The following CLCN6 variants were observed in gnomAD, a reference collection of about 807,000 sequenced individuals.
CLCN6 encodes H(+)/Cl(-) exchange transporter 6.
CLCN6 carries 70 observed loss-of-function variants against 109.8 expected under a neutral mutation model. The observed-to-expected ratio is 0.64, with a 90% CI of 0.53 to 0.78. The LOEUF (loss-of-function observed/expected upper bound fraction) is 0.78. Ranked by LOEUF, CLCN6 falls within the 30% of genes least tolerant of loss-of-function variation. CLCN6 has a pLI of 0.00. For missense variants in CLCN6, 984 were observed against 1,142.3 expected, an observed-to-expected ratio of 0.86 and a Z score of 2.00; for synonymous variants, 444 against 447.8, an observed-to-expected ratio of 0.99 and a Z score of 0.11.
intron 13 of CLCN6, among the ~76,000 whole-genome samples, chr1:11,833,020 C>CTTTT (rs34913289): frequency 6.9e-6 from 1 of 145,040 alleles, no homozygotes; most frequent in African/African-American, 2.5e-5. Flanking sequence ...AATTCAGGTG[C>CTTTT]TTTTTTTTTT....
rs1284513239 is a variant in CLCN6 at position 11,842,258 on chromosome 1, A to T, written c.*2035A>T. On this transcript the variant is annotated 3_prime_UTR_variant, in exon 23 of 23. Coordinates refer to ENST00000346436, the MANE Select transcript of CLCN6 (RefSeq NM_001286.5). Reference sequence around the variant, plus strand: ...TGTTATTGGAATTCATCCCTCGTGCACATCCTGTTGTGTTTAAGTCACCAG... The same window carrying T: ...TGTTATTGGAATTCATCCCTCGTGCTCATCCTGTTGTGTTTAAGTCACCAG... The T allele has an allele frequency of 6.6e-6, 1 of 152,544 alleles. No individual in the cohort carries two copies. Among genetic ancestry groups the T allele is most frequent in the African/African-American group, 2.4e-5 (1 of 41,456 alleles). 9.4% of individuals were successfully genotyped at this position (152,544 alleles called of 1,614,324 possible).
intron 5 of CLCN6, chr1:11,820,419 G>A (rs1303735328): frequency 1.4e-6 from 1 of 714,436 alleles, no homozygotes; most frequent in East Asian, 2.7e-5. Flanking sequence ...ACTATATGTT[G>A]TCAAGAGTGG....
At chr1:11,816,832 T>C in intron 4 of CLCN6, 152 bp downstream of exon 4, 1 of 506,686 alleles carries the variant, frequency 2.0e-6, no homozygotes, top group Non-Finnish European at 3.4e-6. Context: ...CAAGAGTGCC[T>C]TTTCTTTTTT....
Position 11,837,438 on chromosome 1 carries a change from T to C in CLCN6, c.2234T>C (p.Ile745Thr). The C allele has an allele frequency of 1.2e-6, 2 of 1,614,136 alleles. No homozygotes were observed. Among genetic ancestry groups the C allele is most frequent in the Middle Eastern group, 1.6e-4 (1 of 6,062 alleles). ...RFRPLTFHGL[I>T]LRSQLVTLLV... ...CGCCCTCTGACCTTCCACGGCCTGATCCTTCGGTCGCAGCTTGTCACCCTG... is the reference window on the plus strand; with the variant it reads ...CGCCCTCTGACCTTCCACGGCCTGACCCTTCGGTCGCAGCTTGTCACCCTG... Residue 745 changes from isoleucine (I) to threonine (T), a missense_variant, in exon 20 of 23, where the codon ATC (isoleucine) becomes ACC (threonine). Physicochemically the swap from Ile to Thr is moderately conservative, Grantham distance 89. Transcript: ENST00000346436.
chr1:11,838,567 C>T lies in CLCN6; in HGVS notation c.2436C>T (p.Phe812=), dbSNP rs2272802. 2.3e-4 allele frequency: 365 copies of T among 1,612,150 alleles called. 4 individuals carry two copies. In the East Asian group the frequency reaches 7.7e-3, roughly 34 times the overall value. ...DVTPYMNPSP[F]TVSPNTHVSQ... is the part of the protein sequence containing the mutation. ...CCCCATACATGAACCCTTCGCCTTT[C>T]ACCGTCTCGCCCAACACCCACGTCT... Residue 812 remains phenylalanine (F), a synonymous_variant, in exon 22 of 23, where the codon TTC becomes TTT. Coordinates refer to ENST00000346436, the MANE Select transcript of CLCN6 (RefSeq NM_001286.5).
Position 11,829,238 on chromosome 1 carries a change from G to A in CLCN6, c.1164G>A (p.Val388=), listed in dbSNP as rs2100644178. ...TTGTGTCTCTGGTAACCACCGTGGT[G>A]GTGTTTGTGGCCTCGATGGTGTTAG... The part of the protein sequence containing the change: ...SLLVSLVTTV[V]VFVASMVLGE... The change falls in exon 13 of 23, where the codon GTG becomes GTA. Residue 388 remains valine (V), a synonymous_variant. Transcript: ENST00000346436. The A allele has an allele frequency of 6.2e-7, 1 of 1,614,100 alleles. No homozygotes were observed. The highest frequency in any genetic ancestry group is 8.5e-7 in the Non-Finnish European group (1 of 1,179,988).
At chr1:11,835,132 C>T (rs1012171532) in intron 17 of CLCN6, among the ~76,000 whole-genome samples, 11 of 152,190 alleles carry the variant, frequency 7.2e-5, no homozygotes, top group African/African-American at 1.7e-4. Flanking sequence ...TTCAACTTTC[C>T]GGGCTGTATG....
At chr1:11,818,791 C>A (rs1644705958) in intron 4 of CLCN6, among the ~76,000 whole-genome samples, 1 of 152,170 alleles carries the variant, frequency 6.6e-6, no homozygotes, top group Non-Finnish European at 1.5e-5. Context: ...ATAAGTCAAG[C>A]CTGGCACAGT....
At chr1:11,833,045 C>A (rs1225278571) in intron 13 of CLCN6, among the ~76,000 whole-genome samples, 2 of 149,136 alleles carry the variant, frequency 1.3e-5, no homozygotes, top group Admixed American at 6.7e-5. Context: ...TAGCAAATTG[C>A]AGCAAAATCA....
At position 11,834,344 on chromosome 1, in the gene CLCN6, C is replaced by T. The variant is rs770524319; in HGVS notation, c.1635C>T (p.Ile545=). 3.1e-6 allele frequency: 5 copies of T among 1,613,890 alleles called. No individual in the cohort carries two copies. Among genetic ancestry groups the T allele is most frequent in the Middle Eastern group, 1.6e-4 (1 of 6,084 alleles). The change falls in exon 16 of 23, where the codon ATC becomes ATT. Residue 545 remains isoleucine, a synonymous_variant. Coordinates refer to ENST00000346436, the MANE Select transcript of CLCN6 (RefSeq NM_001286.5). The surrounding 1 kb of genome is among the most constrained non-coding windows in gnomAD (Gnocchi z 4.5). The stretch of plus-strand genomic sequence containing the variant: ...CCATCAGCCTCACGGTCATCCTGAT[C>T]GAGTCCACCAATGAGATCACCTACG... ...RMTISLTVIL[I]ESTNEITYGL...
intron 9 of CLCN6, among the ~76,000 whole-genome samples, 179 bp from the exon 10 acceptor site, chr1:11,826,910 G>A (rs1644818600): frequency 6.6e-6 from 1 of 152,188 alleles, no homozygotes; most frequent in Non-Finnish European, 1.5e-5. Context: ...GTGCTAAGGT[G>A]TGTGGCTCTC....
rs1186933893 is a variant in CLCN6 at position 11,816,022 on chromosome 1, T to A, written c.213+111T>A. ...CTTTACACCTTGTTTTTTGAACCTTTTCATGCGATACAGGCAGACCTCACT... is the reference window on the plus strand; with the variant it reads ...CTTTACACCTTGTTTTTTGAACCTTATCATGCGATACAGGCAGACCTCACT... On this transcript the variant is annotated intron_variant, in intron 3 of 22. Coordinates refer to ENST00000346436, the MANE Select transcript of CLCN6 (RefSeq NM_001286.5). The A allele has an allele frequency of 1.7e-5, 14 of 805,446 alleles. No individual in the cohort carries two copies. The Admixed American group carries it at 2.8e-4, about 16-fold the overall frequency. 49.9% of individuals were successfully genotyped at this position (805,446 alleles called of 1,614,324 possible).
At chr1:11,811,931 G>C (rs1170135341) in intron 2 of CLCN6, among the ~76,000 whole-genome samples, 1 of 152,090 alleles carries the variant, frequency 6.6e-6, no homozygotes, top group Non-Finnish European at 1.5e-5. Context: ...CAAGGGTATT[G>C]TTTCTCCTCT....
intron 2 of CLCN6, 85 bp from the exon 3 acceptor site, chr1:11,815,761 T>G: frequency 9.9e-7 from 1 of 1,014,062 alleles, no homozygotes; most frequent in South Asian, 1.4e-5. Context: ...CATCCACACG[T>G]TGAGTAGCAG....
At position 11,840,127 on chromosome 1, in the gene CLCN6, C is replaced by T. The variant is rs2100664406; in HGVS notation, c.2530-16C>T. On this transcript the variant is annotated splice_polypyrimidine_tract_variant and intron_variant, in intron 22 of 22. Coordinates refer to ENST00000346436, the MANE Select transcript of CLCN6 (RefSeq NM_001286.5). The stretch of plus-strand genomic sequence containing the variant: ...GTTTTACCCTGAAGGTGACTCAGGC[C>T]TTCTCTTTGCCCTAGATCGTGGGGA... The T allele has an allele frequency of 1.2e-6, 2 of 1,612,618 alleles. No individual in the cohort carries two copies. Among genetic ancestry groups the T allele is most frequent in the Non-Finnish European group, 1.7e-6 (2 of 1,178,804 alleles).
intron 2 of CLCN6, among the ~76,000 whole-genome samples, chr1:11,812,876 G>C: frequency 6.6e-6 from 1 of 152,078 alleles, no homozygotes; most frequent in East Asian, 1.9e-4. Flanking sequence ...AGTTGTCTTT[G>C]ATCCCTTTCC....
Position 11,838,571 on chromosome 1 carries a change from G to A in CLCN6, c.2440G>A (p.Val814Ile), listed in dbSNP as rs146822661. Reference sequence around the variant, plus strand: ...ATACATGAACCCTTCGCCTTTCACCGTCTCGCCCAACACCCACGTCTCCCA... The same window carrying A: ...ATACATGAACCCTTCGCCTTTCACCATCTCGCCCAACACCCACGTCTCCCA... ...TPYMNPSPFTVSPNTHVSQVF... is the reference protein window; with the variant it reads ...TPYMNPSPFTISPNTHVSQVF... The change falls in exon 22 of 23, where the codon GTC becomes ATC. Residue 814 changes from valine to isoleucine, a missense_variant. Physicochemically the swap from Val to Ile is conservative, Grantham distance 29. Coordinates refer to ENST00000346436, the MANE Select transcript of CLCN6 (RefSeq NM_001286.5). 80 of 1,612,382 alleles carry A rather than the reference G, an allele frequency of 5.0e-5. No homozygotes were observed. Among genetic ancestry groups the A allele is most frequent in the Middle Eastern group, 1.6e-4 (1 of 6,080 alleles).
At chr1:11,812,419 TG>T (rs149555792) in intron 2 of CLCN6, among the ~76,000 whole-genome samples, 15,042 of 152,168 alleles carry the variant, frequency 0.099, 804 homozygotes, top group South Asian at 0.16. Flanking sequence ...CTTGTCATTT[TG>T]GAGTTTTATG....
In CLCN6 at chr1:11,829,825, GAAC is replaced by G. The variant is rs59695903; in HGVS notation, c.1248+508_1248+510del. 1,179 of 157,190 alleles carry G rather than the reference GAAC, an allele frequency of 7.5e-3. 78 individuals are homozygous for G. The highest frequency in any genetic ancestry group is 0.03 in the African/African-American group (1,106 of 36,386). 9.7% of individuals were successfully genotyped at this position (157,190 alleles called of 1,614,324 possible). ...TCACAGAGGGCAACTCCTCTCTGTTGAACAACACTCATGGGAAACAGACACTTG... is the reference window on the plus strand; with the variant it reads ...TCACAGAGGGCAACTCCTCTCTGTTGAACACTCATGGGAAACAGACACTTG... On this transcript the variant is annotated intron_variant, in intron 13 of 22. Transcript: ENST00000346436.
Sources: gnomAD v4.1 joint callset for allele counts (sites outside exome capture counted in the v4.1 genomes callset) on GRCh38, gnomAD v4.1.1 for gene constraint, Gnocchi (gnomAD v3.1) non-coding constraint, MANE v1.5 for transcripts, NCBI Gene and HGNC (gene_info 2026-07-23, HGNC 2026-07-21) for gene names.